The following SLC24A2 variants were observed in gnomAD, a reference collection of about 807,000 sequenced individuals.
SLC24A2 encodes the protein sodium/potassium/calcium exchanger 2.
SLC24A2 carries 36 observed loss-of-function variants against 62.0 expected under a neutral mutation model. That is an observed-to-expected ratio of 0.58 (90% CI 0.44 to 0.77). The LOEUF is 0.77. SLC24A2 is among the 30% of genes least tolerant of loss of function. The pLI, the probability that SLC24A2 is intolerant of heterozygous loss-of-function variation, is 0.00. For missense variants in SLC24A2, 846 were observed against 817.9 expected (o/e 1.03, Z -0.42); for synonymous variants, 358 against 294.0 (o/e 1.22, Z -2.23).
At chr9:19,964,451 G>T in the SLC24A2 span, among the ~76,000 whole-genome samples, 1 of 152,124 alleles carries the variant, frequency 6.6e-6, no homozygotes, top group Non-Finnish European at 1.5e-5. Context: ...AAAATGCTAG[G>T]TGCATGCTAA....
chr9:20,038,787 T>C, the SLC24A2 span, among the ~76,000 whole-genome samples: 1 of 152,154 alleles, frequency 6.6e-6, no homozygotes, highest in Non-Finnish European at 1.5e-5. Context: ...GATATTACAG[T>C]GGCACAGATA....
intron 8 of SLC24A2, among the ~76,000 whole-genome samples, chr9:19,543,865 T>C (rs553976793): frequency 6.6e-6 from 1 of 152,326 alleles, no homozygotes; most frequent in African/African-American, 2.4e-5. Context: ...TGGTCCATTT[T>C]AGAATAAGTG....
intron 2 of SLC24A2, among the ~76,000 whole-genome samples, chr9:19,675,234 C>G (rs1048597735): frequency 1.3e-5 from 2 of 152,142 alleles, no homozygotes; most frequent in African/African-American, 4.8e-5. Flanking sequence ...CTTTAGATAC[C>G]AGCACCTGCT....
At chr9:20,069,877 A>G in the SLC24A2 span, among the ~76,000 whole-genome samples, 5 of 152,092 alleles carry the variant, frequency 3.3e-5, no homozygotes, top group African/African-American at 1.2e-4. Flanking sequence ...TGTCCCTTCT[A>G]TTCACCACTG....
chr9:20,144,015 G>C, the SLC24A2 span, among the ~76,000 whole-genome samples: 2 of 152,190 alleles, frequency 1.3e-5, no homozygotes, highest in African/African-American at 2.4e-5. Context: ...CAAGACAGGG[G>C]TAAGGTTTCC....
the SLC24A2 span, among the ~76,000 whole-genome samples, chr9:19,837,500 A>AAATTG: frequency 7.0e-6 from 1 of 143,690 alleles, no homozygotes; most frequent in Admixed American, 7.1e-5. Flanking sequence ...AAAAAAGAAA[A>AAATTG]CTGGCACAAG....
At chr9:19,804,485 C>T in the SLC24A2 span, among the ~76,000 whole-genome samples, 8 of 152,136 alleles carry the variant, frequency 5.3e-5, 1 homozygote, top group African/African-American at 7.2e-5. Flanking sequence ...ATATAATTGA[C>T]GTTTGTATAT....
chr9:19,570,907 G>C (rs1835818405), intron 7 of SLC24A2, among the ~76,000 whole-genome samples: 1 of 152,188 alleles, frequency 6.6e-6, no homozygotes, highest in Non-Finnish European at 1.5e-5. Context: ...GTGAAGACCT[G>C]ATTGCTCTTG....
the SLC24A2 span, chr9:19,928,255 C>T: frequency 6.6e-6 from 1 of 152,228 alleles, no homozygotes; most frequent in African/African-American, 2.4e-5. Context: ...TTGGGCTAGG[C>T]CATGGAGATG....
the SLC24A2 span, among the ~76,000 whole-genome samples, chr9:20,012,154 G>A: frequency 6.6e-6 from 1 of 152,160 alleles, no homozygotes; most frequent in South Asian, 2.1e-4. Context: ...CACTGTATTA[G>A]TCCATTTTCA....
At chr9:19,778,465 A>G (rs2118917783) in intron 2 of SLC24A2, among the ~76,000 whole-genome samples, 1 of 152,264 alleles carries the variant, frequency 6.6e-6, no homozygotes, top group South Asian at 2.1e-4. Context: ...AAATAAGAAA[A>G]AAAAAATCTG....
chr9:19,840,281 C>T, the SLC24A2 span, among the ~76,000 whole-genome samples: 1 of 152,122 alleles, frequency 6.6e-6, no homozygotes, highest in Non-Finnish European at 1.5e-5. Context: ...AATTTACGAT[C>T]CTTATAACTG....
At chr9:20,176,575 C>G in the SLC24A2 span, among the ~76,000 whole-genome samples, 1 of 152,154 alleles carries the variant, frequency 6.6e-6, no homozygotes, top group Non-Finnish European at 1.5e-5. Flanking sequence ...TGGCTGGAAA[C>G]ACAGTGTACT....
At chr9:20,068,709 T>G in the SLC24A2 span, among the ~76,000 whole-genome samples, 11 of 152,134 alleles carry the variant, frequency 7.2e-5, no homozygotes, top group African/African-American at 2.4e-4. Context: ...GTCATGACCC[T>G]AAAATATAGG....
the SLC24A2 span, among the ~76,000 whole-genome samples, chr9:20,053,680 C>A: frequency 6.6e-6 from 1 of 152,106 alleles, no homozygotes; most frequent in Non-Finnish European, 1.5e-5. Flanking sequence ...TTACTCCTTC[C>A]ATTATGGAGG....
chr9:19,738,042 C>T (rs1223669706), intron 2 of SLC24A2, among the ~76,000 whole-genome samples: 1 of 152,092 alleles, frequency 6.6e-6, no homozygotes, highest in East Asian at 1.9e-4. Context: ...ACTTGCTGAT[C>T]TTCAAAATTA....
the SLC24A2 span, among the ~76,000 whole-genome samples, chr9:19,974,602 C>T: frequency 6.6e-6 from 1 of 152,138 alleles, no homozygotes; most frequent in African/African-American, 2.4e-5. Flanking sequence ...CTTTGAAGAG[C>T]TCATTTTAGG....
chr9:19,686,863 C>G (rs1346959426), intron 2 of SLC24A2, among the ~76,000 whole-genome samples: 2 of 152,050 alleles, frequency 1.3e-5, no homozygotes, highest in Non-Finnish European at 2.9e-5. Flanking sequence ...TTCACAACAG[C>G]AAAGACATGG....
the SLC24A2 span, among the ~76,000 whole-genome samples, chr9:19,835,010 C>T: frequency 5.9e-5 from 9 of 152,208 alleles, no homozygotes; most frequent in Admixed American, 5.2e-4. Context: ...AAATACTTTA[C>T]AGACAAGCAA....
Sources: allele counts gnomAD v4.1 joint callset (sites outside exome capture counted in the v4.1 genomes callset), GRCh38; gene constraint gnomAD v4.1.1; transcripts MANE v1.5; gene names NCBI Gene and HGNC (gene_info 2026-07-23, HGNC 2026-07-21).